Variants in ABTB3 observed in about 807,000 individuals in gnomAD.
ABTB3 encodes ankyrin repeat and BTB domain containing 3.
At chr12:107,532,053 C>T in the ABTB3 span, among the ~76,000 whole-genome samples, 2 of 152,324 alleles carry the variant, frequency 1.3e-5, no homozygotes, top group Admixed American at 1.3e-4. Flanking sequence ...AAGCTTCCTG[C>T]CCCAGGGCCA....
chr12:107,537,927 G>A, the ABTB3 span, among the ~76,000 whole-genome samples: 1 of 152,156 alleles, frequency 6.6e-6, no homozygotes, highest in Non-Finnish European at 1.5e-5. Context: ...GGCCTCCTGT[G>A]AGCCTGCATG....
the ABTB3 span, among the ~76,000 whole-genome samples, chr12:107,456,699 A>T: frequency 6.6e-6 from 1 of 152,176 alleles, no homozygotes; most frequent in African/African-American, 2.4e-5. Context: ...CCATGGAAGA[A>T]TTATCTTTCA....
the ABTB3 span, among the ~76,000 whole-genome samples, chr12:107,470,015 TC>T: frequency 3.2e-5 from 4 of 126,972 alleles, no homozygotes; most frequent in Non-Finnish European, 3.4e-5. Context: ...TTTCTTTCTC[TC>T]TCTCTCTCTC....
the ABTB3 span, among the ~76,000 whole-genome samples, chr12:107,460,836 T>C: frequency 6.6e-6 from 1 of 152,236 alleles, no homozygotes; most frequent in East Asian, 1.9e-4. Context: ...TTTTTAAAAT[T>C]CCTGCCCCTG....
the ABTB3 span, among the ~76,000 whole-genome samples, chr12:107,482,136 A>AG: frequency 6.6e-6 from 1 of 152,058 alleles, no homozygotes; most frequent in Non-Finnish European, 1.5e-5. Flanking sequence ...TACCAGAAGA[A>AG]GGGGGAGTAG....
At chr12:107,641,390 C>G in the ABTB3 span, among the ~76,000 whole-genome samples, 1 of 152,158 alleles carries the variant, frequency 6.6e-6, no homozygotes, top group Non-Finnish European at 1.5e-5. Flanking sequence ...AACAGGAACT[C>G]TCTGTATTAT....
chr12:107,319,930 C>G, the ABTB3 span: 2 of 1,500,532 alleles, frequency 1.3e-6, no homozygotes, highest in Non-Finnish European at 1.8e-6. Context: ...CAGCCGCCGC[C>G]AACCACCACC....
the ABTB3 span, among the ~76,000 whole-genome samples, chr12:107,448,159 T>C: frequency 1.4e-3 from 211 of 152,328 alleles, 1 homozygote; most frequent in African/African-American, 4.9e-3. Flanking sequence ...AGATGATCAA[T>C]TGATCATCTC....
the ABTB3 span, chr12:107,580,875 C>A: frequency 6.5e-6 from 10 of 1,550,242 alleles, no homozygotes; most frequent in Admixed American, 2.0e-4. Context: ...TACCTCCTAG[C>A]CTTTCCTAGT....
At chr12:107,657,839 T>C in the ABTB3 span, 3 of 939,176 alleles carry the variant, frequency 3.2e-6, no homozygotes, top group South Asian at 4.6e-5. Context: ...GAGCTGCCTC[T>C]ACTGCTCCCA....
At chr12:107,610,727 A>G in the ABTB3 span, among the ~76,000 whole-genome samples, 1 of 152,150 alleles carries the variant, frequency 6.6e-6, no homozygotes, top group Non-Finnish European at 1.5e-5. Context: ...CTGTTCCTGC[A>G]CAGGACAAGC....
the ABTB3 span, chr12:107,320,042 T>C: frequency 6.5e-7 from 1 of 1,542,544 alleles, no homozygotes; most frequent in Non-Finnish European, 8.8e-7. Flanking sequence ...CCTGCAGCCC[T>C]ACCAGCACCT....
At chr12:107,320,026 G>T in the ABTB3 span, 1 of 1,556,206 alleles carries the variant, frequency 6.4e-7, no homozygotes. Flanking sequence ...CGGAGATCTG[G>T]GGTCTCCTGC....
At chr12:107,413,097 A>C in the ABTB3 span, among the ~76,000 whole-genome samples, 2 of 151,908 alleles carry the variant, frequency 1.3e-5, no homozygotes, top group African/African-American at 4.8e-5. Context: ...ACACCGTGAA[A>C]CCCTGTCTCT....
the ABTB3 span, chr12:107,640,273 T>C: frequency 8.3e-7 from 1 of 1,210,728 alleles, no homozygotes; most frequent in Non-Finnish European, 1.2e-6. Context: ...CATCCTTTTT[T>C]CCACTAAAGC....
At chr12:107,555,482 T>A in the ABTB3 span, among the ~76,000 whole-genome samples, 2 of 152,216 alleles carry the variant, frequency 1.3e-5, no homozygotes, top group Admixed American at 6.5e-5. Context: ...TTAATTTCAA[T>A]GTCCAGGTCT....
chr12:107,625,631 C>T, the ABTB3 span, among the ~76,000 whole-genome samples: 1 of 152,144 alleles, frequency 6.6e-6, no homozygotes, highest in South Asian at 2.1e-4. Context: ...GTGGGGTGGC[C>T]TCATGACTAC....
At chr12:107,628,136 T>C in the ABTB3 span, among the ~76,000 whole-genome samples, 1 of 152,066 alleles carries the variant, frequency 6.6e-6, no homozygotes, top group Non-Finnish European at 1.5e-5. Context: ...GAGGTGGGTC[T>C]TTTTTTGGGG....
At chr12:107,578,874 C>T in the ABTB3 span, among the ~76,000 whole-genome samples, 1 of 152,134 alleles carries the variant, frequency 6.6e-6, no homozygotes, top group South Asian at 2.1e-4. Context: ...TCAGTTTCAC[C>T]CAGTAAGAAA....
Sources: allele counts gnomAD v4.1 joint callset (sites outside exome capture counted in the v4.1 genomes callset), GRCh38; gene constraint gnomAD v4.1.1; transcripts MANE v1.5; gene names NCBI Gene and HGNC (gene_info 2026-07-23, HGNC 2026-07-21).